FYB1: variants seen among roughly 807,000 people sequenced by gnomAD.
The protein encoded by FYB1 is FYN-binding protein 1.
FYB1 carries 41 observed loss-of-function variants against 94.1 expected under a neutral mutation model. That is an observed-to-expected ratio of 0.44 (90% CI 0.34 to 0.57). FYB1 has a LOEUF of 0.57. Among genes scored for constraint, FYB1 ranks in the 20% least tolerant of loss-of-function variants. The pLI, the probability that FYB1 is intolerant of heterozygous loss-of-function variation, is 0.02. For missense variants in FYB1, 1,050 were observed against 976.8 expected, an observed-to-expected ratio of 1.07 and a Z score of -1.00; for synonymous variants, 367 against 353.2, an observed-to-expected ratio of 1.04 and a Z score of -0.44.
chr5:39,202,319 G>T lies in FYB1; in HGVS notation c.642C>A (p.Ser214Arg). ...LSTENSHEDE[S>R]PMKNVSSSKG... is the part of the protein sequence containing the mutation. ...TTGATGAAGACACATTCTTCATGGG[G>T]CTTTCGTCTTCATGGGAGTTCTCGG... is the stretch of plus-strand genomic sequence containing the variant. Residue 214 changes from serine to arginine, a missense_variant, in exon 2 of 19, where the codon AGC becomes AGA. Ser to Arg is a moderately radical substitution (Grantham distance 110). Coordinates refer to ENST00000512982, the MANE Select transcript of FYB1 (RefSeq NM_001465.6). The T allele has an allele frequency of 6.2e-7, 1 of 1,613,862 alleles. No homozygotes were observed.
At position 39,114,230 on chromosome 5, in the gene FYB1, A is replaced by G. The variant is rs570115887; in HGVS notation, c.2402-3841T>C. 3.0e-4 allele frequency among the ~76,000 whole-genome samples: 46 copies of G among 152,288 alleles called. 1 individual carries two copies. In the South Asian group the frequency reaches 9.3e-3, roughly 31 times the overall value. On this transcript the variant is annotated intron_variant, in intron 16 of 18. Transcript: ENST00000512982. ...TTTTTCAGTGACAGGAGGTGGGAAA[A>G]CTCACAGCTTATGAGACATAGAGTT... is the stretch of plus-strand genomic sequence containing the variant.
upstream of FYB1, among the ~76,000 whole-genome samples, chr5:39,220,005 A>G (rs73072537): frequency 0.013 from 1,977 of 152,226 alleles, 35 homozygotes; most frequent in African/African-American, 0.043. Context: ...TCAACTGAAG[A>G]GTGGTCACTC....
rs1750984573 is a variant in FYB1 at position 39,236,801 on chromosome 5, T to TA, written c.-27-33815dup. 2.6e-5 allele frequency among the ~76,000 whole-genome samples: 4 copies of TA among 152,270 alleles called. No individual in the cohort carries two copies. The South Asian group carries it at 8.3e-4, about 31-fold the overall frequency. Reference sequence around the variant, plus strand: ...AGCTCTCTGCTGCTTAGCCAGTTTTTATCCTTGGCCAAATTGCTTGACCTG... The same window carrying TA: ...AGCTCTCTGCTGCTTAGCCAGTTTTTAATCCTTGGCCAAATTGCTTGACCTG... On this transcript the variant is annotated intron_variant, in intron 1 of 1. Transcript: ENST00000510188.
chr5:39,121,183 CAAAAAAAAAAAA>C lies in FYB1; in HGVS notation c.2138+1141_2138+1152del, dbSNP rs56376626. ...GAATGTGATGTACAGTAATGTAAAG[CAAAAAAAAAAAA>C]AAAAAAAAAAGCATTAACAACTGTC... is the stretch of plus-strand genomic sequence containing the variant. On this transcript the variant is annotated intron_variant, in intron 14 of 18. Coordinates refer to ENST00000512982, the MANE Select transcript of FYB1 (RefSeq NM_001465.6). Among the ~76,000 whole-genome samples, 5 of 57,674 alleles carry C rather than the reference CAAAAAAAAAAAA, an allele frequency of 8.7e-5. No homozygotes were observed. In the East Asian group the frequency reaches 3.5e-3, roughly 41 times the overall value. The allele number at this position is 57,674 out of a possible 152,430, so 37.8% of individuals were successfully genotyped here. A position where few individuals can be genotyped will look rare whatever the true frequency, so the allele number is the denominator to read the frequency against.
intron 1 of FYB1, among the ~76,000 whole-genome samples, chr5:39,246,665 T>C (rs905820054): frequency 4.6e-5 from 7 of 152,132 alleles, no homozygotes; most frequent in Admixed American, 6.5e-5. Context: ...AAATTAAAAG[T>C]CCACAGGTAG....
intron 1 of FYB1, among the ~76,000 whole-genome samples, chr5:39,256,496 C>T (rs960556765): frequency 1.3e-5 from 2 of 152,118 alleles, no homozygotes; most frequent in Non-Finnish European, 2.9e-5. Flanking sequence ...ATGGGAATGC[C>T]CTACCTCTCT....
chr5:39,186,927 C>T (rs976656835), intron 2 of FYB1, among the ~76,000 whole-genome samples: 1 of 152,044 alleles, frequency 6.6e-6, no homozygotes. Context: ...CTAAAAGAGG[C>T]CGAGAACCCT....
At chr5:39,258,767 T>C (rs1414069488) in intron 1 of FYB1, among the ~76,000 whole-genome samples, 1 of 151,908 alleles carries the variant, frequency 6.6e-6, no homozygotes, top group Non-Finnish European at 1.5e-5. Context: ...ATAGATTAAA[T>C]ATAAAATGAA....
At chr5:39,120,473 G>T (rs948228557) in intron 14 of FYB1, among the ~76,000 whole-genome samples, 1 of 152,092 alleles carries the variant, frequency 6.6e-6, no homozygotes, top group African/African-American at 2.4e-5. Flanking sequence ...CACCTGGGAA[G>T]CTTTTAAAGC....
chr5:39,222,722 C>T (rs1243171945), upstream of FYB1, among the ~76,000 whole-genome samples: 1 of 152,164 alleles, frequency 6.6e-6, no homozygotes, highest in Admixed American at 6.5e-5. Context: ...AGTATAGATA[C>T]TTGCTCAAAT....
At chr5:39,183,296 T>A (rs1746430732) in intron 2 of FYB1, among the ~76,000 whole-genome samples, 1 of 152,192 alleles carries the variant, frequency 6.6e-6, no homozygotes, top group Admixed American at 6.5e-5. Context: ...TTGTTTCCTT[T>A]TTTTAAGGTA....
chr5:39,110,749 T>G, intron 16 of FYB1: 1 of 331,976 alleles, frequency 3.0e-6, no homozygotes, highest in South Asian at 2.6e-5. Context: ...AAGCATAGAT[T>G]ATAAAAGTCA....
At chr5:39,154,825 C>A (rs753191634) in intron 2 of FYB1, among the ~76,000 whole-genome samples, 11 of 152,300 alleles carry the variant, frequency 7.2e-5, no homozygotes, top group Non-Finnish European at 1.2e-4. Flanking sequence ...AACTCTTGAC[C>A]TTGTAATCCA....
chr5:39,265,275 A>T (rs1752381079), intron 1 of FYB1, among the ~76,000 whole-genome samples: 2 of 152,022 alleles, frequency 1.3e-5, no homozygotes, highest in African/African-American at 4.8e-5. Flanking sequence ...AGGTCAGGAG[A>T]TCGAGACCAA....
At chr5:39,112,984 T>C (rs1478572053) in intron 16 of FYB1, among the ~76,000 whole-genome samples, 2 of 152,094 alleles carry the variant, frequency 1.3e-5, no homozygotes, top group East Asian at 1.9e-4. Flanking sequence ...ACACGGGGCT[T>C]GTTAGCTATA....
At chr5:39,262,376 T>C (rs545539593) in intron 1 of FYB1, among the ~76,000 whole-genome samples, 2 of 152,330 alleles carry the variant, frequency 1.3e-5, no homozygotes, top group Middle Eastern at 6.8e-3. Context: ...GAATGGCTAA[T>C]AAACTTGTGA....
In FYB1 at chr5:39,138,742, A is replaced by G. The variant is rs994976845; in HGVS notation, c.1360-51T>C. 6.0e-5 allele frequency: 64 copies of G among 1,062,256 alleles called. No individual in the cohort carries two copies. In the African/African-American group the frequency reaches 9.1e-4, roughly 15 times the overall value. 65.8% of individuals were successfully genotyped at this position (1,062,256 alleles called of 1,614,324 possible). A position where few individuals can be genotyped will look rare whatever the true frequency, so the allele number is the denominator to read the frequency against. ...TTAATTTTTATTATTTAAAAAGTTG[A>G]CACACATATTACATTGCTTAGACTT... On this transcript the variant is annotated intron_variant, in intron 5 of 18. Coordinates refer to ENST00000512982, the MANE Select transcript of FYB1 (RefSeq NM_001465.6).
At chr5:39,176,349 C>T (rs949918146) in intron 2 of FYB1, among the ~76,000 whole-genome samples, 1 of 151,734 alleles carries the variant, frequency 6.6e-6, no homozygotes, top group African/African-American at 2.4e-5. Flanking sequence ...CAGGGTTTCA[C>T]CAGTTGGCCA....
At chr5:39,160,240 T>C (rs972257007) in intron 2 of FYB1, among the ~76,000 whole-genome samples, 1 of 152,224 alleles carries the variant, frequency 6.6e-6, no homozygotes, top group Non-Finnish European at 1.5e-5. Context: ...CAGAAGCATC[T>C]GACACATGGT....
Sources: allele counts gnomAD v4.1 joint callset (sites outside exome capture counted in the v4.1 genomes callset), GRCh38; gene constraint gnomAD v4.1.1; transcripts MANE v1.5; gene names NCBI Gene and HGNC (gene_info 2026-07-23, HGNC 2026-07-21).